The following EDIL3 variants were observed in gnomAD, a reference collection of about 807,000 sequenced individuals.
EDIL3 encodes EGF-like repeat and discoidin I-like domain-containing protein 3.
A neutral mutation model predicts 67.4 loss-of-function variants in EDIL3; 37 were observed. That is an observed-to-expected ratio of 0.55 (90% CI 0.42 to 0.72). The LOEUF is 0.72. Ranked by LOEUF, EDIL3 falls within the 30% of genes least tolerant of loss-of-function variation. The probability of loss-of-function intolerance (pLI) is 0.00; values close to 1 mark genes in which losing one functional copy is unlikely to be tolerated. For missense variants in EDIL3, 527 were observed against 586.3 expected, an observed-to-expected ratio of 0.90 and a Z score of 1.04; for synonymous variants, 195 against 196.3, an observed-to-expected ratio of 0.99 and a Z score of 0.05.
chr5:84,005,428 A>G (rs1027897409), intron 9 of EDIL3, among the ~76,000 whole-genome samples: 19 of 152,164 alleles, frequency 1.2e-4, no homozygotes, highest in African/African-American at 4.6e-4. Context: ...AATCCTCAAC[A>G]AAATACTAGC....
intron 9 of EDIL3, among the ~76,000 whole-genome samples, chr5:84,014,593 C>T (rs188314297): frequency 2.6e-5 from 4 of 152,210 alleles, no homozygotes; most frequent in East Asian, 1.9e-4. Context: ...TGCAGTCAGC[C>T]GAGATCATGC....
At position 84,211,846 on chromosome 5, in the gene EDIL3, C is replaced by T. The variant is rs142711646; in HGVS notation, c.226+18009G>A. ...AACTTGTTAGAGCAGCCTCAGGAAA[C>T]GAATATAGCTGTAGACAGTCAAAGT... On this transcript the variant is annotated intron_variant, in intron 3 of 10. Transcript: ENST00000296591. 2.9e-3 allele frequency among the ~76,000 whole-genome samples: 436 copies of T among 152,190 alleles called. 8 individuals carry two copies. The highest frequency in any genetic ancestry group is 0.022 in the Admixed American group (344 of 15,290).
intron 4 of EDIL3, among the ~76,000 whole-genome samples, chr5:84,169,583 C>T (rs1040419154): frequency 1.3e-5 from 2 of 151,070 alleles, no homozygotes; most frequent in African/African-American, 4.9e-5. Context: ...CTAATCTATC[C>T]TCCATTTCTA....
chr5:84,070,434 C>T (rs528335062), intron 6 of EDIL3, among the ~76,000 whole-genome samples: 149 of 152,298 alleles, frequency 9.8e-4, no homozygotes, highest in African/African-American at 3.3e-3. Context: ...GTCTCCTCCC[C>T]CTAAGGGTTT....
At chr5:84,176,206 TA>T (rs1276659703) in intron 4 of EDIL3, among the ~76,000 whole-genome samples, 1 of 31,562 alleles carries the variant, frequency 3.2e-5, no homozygotes, top group Non-Finnish European at 6.6e-5. Context: ...ATAATATATA[TA>T]TATATATATA....
intron 1 of EDIL3, among the ~76,000 whole-genome samples, chr5:84,285,688 A>G (rs2112112359): frequency 6.6e-6 from 1 of 152,348 alleles, no homozygotes; most frequent in Non-Finnish European, 1.5e-5. Context: ...ATAAATTCAC[A>G]TGTAGTTACT....
rs1385897222 is a variant in EDIL3 at position 84,060,487 on chromosome 5, G to T, written c.953-3C>A. ...CATACCCAGAGGCTCAGAACAACCT[G>T]AAAGAAAATGAGAAGGGCTCCATGA... On this transcript the variant is annotated splice_polypyrimidine_tract_variant and splice_region_variant and intron_variant, in intron 8 of 10. Coordinates refer to ENST00000296591, the MANE Select transcript of EDIL3 (RefSeq NM_005711.5). 1.2e-6 allele frequency: 2 copies of T among 1,612,470 alleles called. No individual in the cohort carries two copies. Among genetic ancestry groups the T allele is most frequent in the African/African-American group, 2.7e-5 (2 of 74,840 alleles).
intron 5 of EDIL3, among the ~76,000 whole-genome samples, chr5:84,132,389 TTA>T (rs1491017046): frequency 2.2e-5 from 1 of 45,274 alleles, no homozygotes; most frequent in Non-Finnish European, 4.1e-5. Context: ...ATAATATATT[TTA>T]TATATAATAT....
At chr5:84,194,558 T>C (rs1743660510) in intron 3 of EDIL3, among the ~76,000 whole-genome samples, 1 of 151,968 alleles carries the variant, frequency 6.6e-6, no homozygotes, top group African/African-American at 2.4e-5. Context: ...AAAATCCACT[T>C]GAGAAATGTG....
At chr5:84,070,113 C>A (rs1746710971) in intron 6 of EDIL3, among the ~76,000 whole-genome samples, 1 of 152,126 alleles carries the variant, frequency 6.6e-6, no homozygotes, top group African/African-American at 2.4e-5. Flanking sequence ...CACTCCATAC[C>A]CTCCTGGCTC....
intron 9 of EDIL3, among the ~76,000 whole-genome samples, chr5:84,035,492 T>C (rs1417080683): frequency 6.6e-6 from 1 of 152,182 alleles, no homozygotes; most frequent in East Asian, 1.9e-4. Flanking sequence ...TATGTGAATA[T>C]TTCTTGAAAT....
rs1279443750 is a variant in EDIL3 at position 84,298,676 on chromosome 5, TGGCAACTGGCTAGATTACTACAGGG to T, written c.68-44489_68-44465del. ...GCCTCCCTTCTCACCCACTTAAATGTGGCAACTGGCTAGATTACTACAGGGAAACTGCTCTTGCCAAAATCATATA... is the reference window on the plus strand; with the variant it reads ...GCCTCCCTTCTCACCCACTTAAATGTAAACTGCTCTTGCCAAAATCATATA... On this transcript the variant is annotated intron_variant, in intron 1 of 10. Coordinates refer to ENST00000296591, the MANE Select transcript of EDIL3 (RefSeq NM_005711.5). Among the ~76,000 whole-genome samples, 17 of 152,332 alleles carry T rather than the reference TGGCAACTGGCTAGATTACTACAGGG, an allele frequency of 1.1e-4. No individual in the cohort carries two copies. In the East Asian group the frequency reaches 1.5e-3, roughly 14 times the overall value.
intron 2 of EDIL3, among the ~76,000 whole-genome samples, chr5:84,239,492 G>A (rs1744753376): frequency 6.6e-6 from 1 of 151,874 alleles, no homozygotes; most frequent in African/African-American, 2.4e-5. Context: ...ACAATGTGCA[G>A]GTTTGTTACA....
intron 10 of EDIL3, among the ~76,000 whole-genome samples, chr5:83,958,734 C>A (rs1250525569): frequency 6.6e-6 from 1 of 151,316 alleles, no homozygotes; most frequent in East Asian, 1.9e-4. Flanking sequence ...TGGCTTATAA[C>A]CTGAAAAATT....
intron 6 of EDIL3, among the ~76,000 whole-genome samples, chr5:84,094,512 A>G (rs1201463161): frequency 6.6e-6 from 1 of 151,670 alleles, no homozygotes; most frequent in Non-Finnish European, 1.5e-5. Context: ...AAGGCTGAAA[A>G]TGAAAAAAAA....
chr5:84,097,836 G>C (rs1334981621), intron 6 of EDIL3, among the ~76,000 whole-genome samples: 28 of 151,980 alleles, frequency 1.8e-4, no homozygotes, highest in Admixed American at 1.8e-3. Context: ...CAGAGAAATT[G>C]ACACTGCATA....
intron 5 of EDIL3, among the ~76,000 whole-genome samples, chr5:84,135,291 TC>T (rs1748068538): frequency 6.6e-6 from 1 of 152,098 alleles, no homozygotes; most frequent in Non-Finnish European, 1.5e-5. Flanking sequence ...CCGCAATTGT[TC>T]CCCTAGTCAG....
At chr5:84,268,793 T>C (rs532164756) in intron 1 of EDIL3, among the ~76,000 whole-genome samples, 4 of 152,170 alleles carry the variant, frequency 2.6e-5, no homozygotes, top group Admixed American at 1.3e-4. Context: ...ATTCAATACA[T>C]CTTTCTAATT....
intron 10 of EDIL3, among the ~76,000 whole-genome samples, chr5:83,948,188 A>T (rs1744346829): frequency 6.6e-6 from 1 of 151,730 alleles, no homozygotes; most frequent in African/African-American, 2.4e-5. Context: ...AGGGTTTTCC[A>T]ATTTTTTTTA....
Sources: gnomAD v4.1 joint callset for allele counts (sites outside exome capture counted in the v4.1 genomes callset) on GRCh38, gnomAD v4.1.1 for gene constraint, MANE v1.5 for transcripts, NCBI Gene and HGNC (gene_info 2026-07-23, HGNC 2026-07-21) for gene names.